Variants in TENM3 observed in about 807,000 individuals in gnomAD.
TENM3 encodes teneurin-3.
A neutral mutation model predicts 255.1 loss-of-function variants in TENM3; 63 were observed. The observed-to-expected ratio is 0.25, with a 90% CI of 0.20 to 0.30. The LOEUF (loss-of-function observed/expected upper bound fraction) is 0.30, where lower values mean the gene tolerates loss of function less well. TENM3 is among the 10% of genes least tolerant of loss of function. TENM3 has a pLI of 1.00. For synonymous variants in TENM3, 1,306 were observed against 1,322.3 expected, an observed-to-expected ratio of 0.99 and a Z score of 0.27; for missense variants, 2,929 against 3,461.1, an observed-to-expected ratio of 0.85 and a Z score of 3.86.
At chr4:182,010,724 A>G in the TENM3 span, among the ~76,000 whole-genome samples, 3 of 152,194 alleles carry the variant, frequency 2.0e-5, no homozygotes, top group Non-Finnish European at 4.4e-5. Flanking sequence ...TATAATTCCT[A>G]TTTTATTTTT....
At chr4:181,524,911 T>C in the TENM3 span, among the ~76,000 whole-genome samples, 15,708 of 152,168 alleles carry the variant, frequency 0.1, 902 homozygotes, top group East Asian at 0.2. Flanking sequence ...GAAGTTTTCA[T>C]TGTGGTTTGC....
chr4:181,512,733 C>T, the TENM3 span, among the ~76,000 whole-genome samples: 2 of 152,106 alleles, frequency 1.3e-5, no homozygotes, highest in Non-Finnish European at 2.9e-5. Flanking sequence ...TAGGAAACAA[C>T]CAAACATAAA....
At chr4:181,565,195 C>T in the TENM3 span, among the ~76,000 whole-genome samples, 1 of 152,158 alleles carries the variant, frequency 6.6e-6, no homozygotes, top group African/African-American at 2.4e-5. Flanking sequence ...CTCTTTCTCC[C>T]TCAAACTGTC....
At chr4:182,620,060 G>A (rs2152450392) in intron 4 of TENM3, among the ~76,000 whole-genome samples, 1 of 152,268 alleles carries the variant, frequency 6.6e-6, no homozygotes, top group Non-Finnish European at 1.5e-5. Flanking sequence ...AAAAGCATAT[G>A]TTTTTGATAG....
the TENM3 span, among the ~76,000 whole-genome samples, chr4:182,137,376 C>T: frequency 6.6e-6 from 1 of 150,804 alleles, no homozygotes; most frequent in Non-Finnish European, 1.5e-5. Context: ...TCTTCTTGTC[C>T]TTTAAATGAA....
At chr4:182,605,916 G>A (rs1012583627) in intron 4 of TENM3, among the ~76,000 whole-genome samples, 2 of 152,208 alleles carry the variant, frequency 1.3e-5, no homozygotes, top group African/African-American at 4.8e-5. Flanking sequence ...AGAGGGACGT[G>A]TGATTACCAC....
the TENM3 span, among the ~76,000 whole-genome samples, chr4:181,882,018 AAC>A: frequency 1.3e-5 from 2 of 152,216 alleles, no homozygotes; most frequent in African/African-American, 4.8e-5. Flanking sequence ...CAGAAAGTCA[AAC>A]ACTGCAGGGT....
At chr4:182,235,401 G>A (rs922578308) in intron 1 of TENM3, among the ~76,000 whole-genome samples, 1 of 152,196 alleles carries the variant, frequency 6.6e-6, no homozygotes, top group African/African-American at 2.4e-5. Context: ...GGTTCTTCAG[G>A]AAGACTGTAG....
chr4:182,164,043 AT>A (rs1158340304), intron 1 of TENM3, among the ~76,000 whole-genome samples: 1 of 152,134 alleles, frequency 6.6e-6, no homozygotes, highest in African/African-American at 2.4e-5. Context: ...CTTCTAACCT[AT>A]CATCCAAACA....
At chr4:182,569,561 GAAA>G (rs59561269) in intron 3 of TENM3, among the ~76,000 whole-genome samples, 1 of 126,192 alleles carries the variant, frequency 7.9e-6, no homozygotes, top group Non-Finnish European at 1.8e-5. Flanking sequence ...CTCAAAAAAA[GAAA>G]AAAAAAAAAA....
At chr4:181,729,054 C>A in the TENM3 span, among the ~76,000 whole-genome samples, 5 of 152,026 alleles carry the variant, frequency 3.3e-5, no homozygotes, top group Non-Finnish European at 7.4e-5. Context: ...ATAAACCAGA[C>A]ATAGAGGAAG....
chr4:181,842,185 T>C, the TENM3 span, among the ~76,000 whole-genome samples: 1 of 152,190 alleles, frequency 6.6e-6, no homozygotes, highest in African/African-American at 2.4e-5. Flanking sequence ...AAATAATAGA[T>C]AAGACGCTTT....
chr4:181,475,305 T>G, the TENM3 span, among the ~76,000 whole-genome samples: 1 of 152,234 alleles, frequency 6.6e-6, no homozygotes, highest in Admixed American at 6.5e-5. Context: ...TCCGTATTCA[T>G]CTGGTGCTCT....
chr4:182,090,575 C>T, the TENM3 span, among the ~76,000 whole-genome samples: 3 of 152,094 alleles, frequency 2.0e-5, no homozygotes, highest in African/African-American at 4.8e-5. Context: ...ACCATGCCCT[C>T]GGCAGGACTC....
chr4:181,640,313 A>G, the TENM3 span, among the ~76,000 whole-genome samples: 1 of 152,204 alleles, frequency 6.6e-6, no homozygotes, highest in Admixed American at 6.5e-5. Flanking sequence ...GTAATAATGG[A>G]TCATGGCACA....
chr4:182,617,815 A>G (rs1428104296), intron 4 of TENM3, among the ~76,000 whole-genome samples: 4 of 152,208 alleles, frequency 2.6e-5, no homozygotes, highest in Admixed American at 2.0e-4. Context: ...TTTAATGTAA[A>G]TGATTCTCTT....
At chr4:181,987,709 C>T in the TENM3 span, among the ~76,000 whole-genome samples, 1 of 152,106 alleles carries the variant, frequency 6.6e-6, no homozygotes, top group Non-Finnish European at 1.5e-5. Flanking sequence ...GTACACATTT[C>T]TAGTTCCCTT....
intron 13 of TENM3, among the ~76,000 whole-genome samples, chr4:182,726,376 A>ATGGCAAAAACATTAAAGGTTTTTG (rs11271130): frequency 2.0e-5 from 3 of 151,988 alleles, no homozygotes; most frequent in Non-Finnish European, 1.5e-5. Flanking sequence ...AGCGCAGCTT[A>ATGGCAAAAACATTAAAGGTTTTTG]TGTCTGTGTC....
intron 3 of TENM3, among the ~76,000 whole-genome samples, chr4:182,395,276 A>G (rs961721684): frequency 1.3e-5 from 2 of 152,164 alleles, no homozygotes; most frequent in Non-Finnish European, 2.9e-5. Context: ...AAATTAACCC[A>G]TTAGGAGATT....
Sources: allele counts gnomAD v4.1 joint callset (sites outside exome capture counted in the v4.1 genomes callset), GRCh38; gene constraint gnomAD v4.1.1; transcripts MANE v1.5; gene names NCBI Gene and HGNC (gene_info 2026-07-23, HGNC 2026-07-21).